The following KIF25 variants were observed in gnomAD, a reference collection of about 807,000 sequenced individuals.
KIF25 encodes the protein kinesin family member 25, also known as kinesin-like protein KIF25.
KIF25 carries 19 observed loss-of-function variants against 32.9 expected under a neutral mutation model. That is an observed-to-expected ratio of 0.58 (90% CI 0.40 to 0.85). The LOEUF (loss-of-function observed/expected upper bound fraction) is 0.85. Among genes scored for constraint, KIF25 ranks in the 40% least tolerant of loss-of-function variants. The pLI, the probability that KIF25 is intolerant of heterozygous loss-of-function variation, is 0.00. For synonymous variants in KIF25, 225 were observed against 213.7 expected, an observed-to-expected ratio of 1.05 and a Z score of -0.46; for missense variants, 485 against 507.0, an observed-to-expected ratio of 0.96 and a Z score of 0.42.
At position 168,042,596 on chromosome 6, in the gene KIF25, A is replaced by T; in HGVS notation, c.865A>T (p.Met289Leu). ...SGVTGLALRE[M>L]ACISRSLAAL... ...AGTGACCGGGTTGGCCCTGAGGGAG[A>T]TGGCGTGCATCAGCCGCAGCCTTGC... Residue 289 changes from methionine (M) to leucine (L), a missense_variant, in exon 12 of 13, where the codon ATG becomes TTG. Physicochemically the swap from Met to Leu is conservative, Grantham distance 15. Transcript: ENST00000643607. 1 of 1,613,804 alleles carries T rather than the reference A, an allele frequency of 6.2e-7. No individual in the cohort carries two copies. The highest frequency in any genetic ancestry group is 1.1e-5 in the South Asian group (1 of 91,040).
intron 5 of KIF25, among the ~76,000 whole-genome samples, chr6:168,027,995 C>T (rs1456292055): frequency 2.6e-5 from 4 of 151,990 alleles, no homozygotes; most frequent in Non-Finnish European, 5.9e-5. Flanking sequence ...TTTACATGAT[C>T]GTAGGTAAAA....
intron 4 of KIF25, among the ~76,000 whole-genome samples, chr6:168,016,368 G>T (rs1178769473): frequency 6.6e-6 from 1 of 152,230 alleles, no homozygotes; most frequent in African/African-American, 2.4e-5. Flanking sequence ...AGCCGTGCCG[G>T]AGCACGAGCA....
chr6:168,039,730 A>G (rs1799087601), intron 9 of KIF25, among the ~76,000 whole-genome samples: 1 of 152,254 alleles, frequency 6.6e-6, no homozygotes, highest in South Asian at 2.1e-4. Flanking sequence ...TATTTTACAA[A>G]TCAGATTTGA....
In KIF25 at chr6:168,039,640, A is replaced by C. The variant is rs1799086409; in HGVS notation, c.495-425A>C. 2.6e-5 allele frequency among the ~76,000 whole-genome samples: 4 copies of C among 152,264 alleles called. No homozygotes were observed. In the South Asian group the frequency reaches 8.3e-4, roughly 31 times the overall value. ...GCCTTTGACTGACAGACTGTGATGG[A>C]AATGTTATCTCCTGCTGATTAAGAG... On this transcript the variant is annotated intron_variant, in intron 9 of 12. Coordinates refer to ENST00000643607, the MANE Select transcript of KIF25 (RefSeq NM_030615.4).
At chr6:168,023,928 T>C (rs1424800201) in intron 5 of KIF25, among the ~76,000 whole-genome samples, 1 of 152,234 alleles carries the variant, frequency 6.6e-6, no homozygotes, top group Non-Finnish European at 1.5e-5. Context: ...TGCATTTTTA[T>C]TATTTACTGA....
intron 10 of KIF25, 30 bp downstream of exon 10, chr6:168,040,246 C>A: frequency 1.3e-6 from 2 of 1,586,604 alleles, no homozygotes; most frequent in South Asian, 2.2e-5. Context: ...TGGTCAGTGG[C>A]AAGTAATAGA....
At chr6:168,030,626 C>G (rs964072602) in intron 6 of KIF25, 147 bp from the exon 7 acceptor site, 1 of 558,644 alleles carries the variant, frequency 1.8e-6, no homozygotes, top group Admixed American at 3.6e-5. Flanking sequence ...TGAAAAATAA[C>G]ACAGATTAAT....
chr6:168,041,464 C>T (rs1269148591), intron 10 of KIF25, among the ~76,000 whole-genome samples: 2 of 152,186 alleles, frequency 1.3e-5, no homozygotes, highest in Non-Finnish European at 2.9e-5. Context: ...ATTTCATGTC[C>T]TTTAAAAAAA....
chr6:168,044,743 A>C, intron 12 of KIF25, 84 bp from the exon 13 acceptor site: 4 of 1,360,920 alleles, frequency 2.9e-6, no homozygotes, highest in East Asian at 2.4e-5. Flanking sequence ...GCAGCCGCCC[A>C]TCTCGGGCCC....
At chr6:168,043,784 G>A (rs564726582) in intron 12 of KIF25, among the ~76,000 whole-genome samples, 17 of 152,346 alleles carry the variant, frequency 1.1e-4, no homozygotes, top group African/African-American at 4.1e-4. Context: ...GGCCTCTGGG[G>A]TCTGCACTTT....
intron 3 of KIF25, among the ~76,000 whole-genome samples, chr6:168,003,125 C>T (rs1057435854): frequency 3.3e-5 from 5 of 152,182 alleles, no homozygotes; most frequent in African/African-American, 1.2e-4. Context: ...GACCCTTGTT[C>T]TGTATCACCA....
chr6:168,022,527 G>C (rs1393272517), intron 5 of KIF25, among the ~76,000 whole-genome samples: 1 of 152,148 alleles, frequency 6.6e-6, no homozygotes, highest in African/African-American at 2.4e-5. Flanking sequence ...TTGGCCTCAA[G>C]TGATTGTCCC....
intron 6 of KIF25, among the ~76,000 whole-genome samples, chr6:168,030,064 G>A (rs1798919571): frequency 6.6e-6 from 1 of 152,196 alleles, no homozygotes; most frequent in African/African-American, 2.4e-5. Flanking sequence ...ACCAGTGCTG[G>A]GCAGCTGCCA....
At chr6:168,004,145 G>A (rs1291512452) in intron 4 of KIF25, among the ~76,000 whole-genome samples, 1 of 152,158 alleles carries the variant, frequency 6.6e-6, no homozygotes, top group African/African-American at 2.4e-5. Context: ...CACCCCAGGG[G>A]TGTCTGAGTA....
intron 5 of KIF25, 26 bp from the exon 6 acceptor site, chr6:168,029,466 C>G (rs1008936882): frequency 2.7e-6 from 4 of 1,470,354 alleles, no homozygotes; most frequent in Non-Finnish European, 3.6e-6. Flanking sequence ...AATACTGTTA[C>G]GTTTTCAAGT....
rs141698978 is a variant in KIF25 at position 168,000,903 on chromosome 6, T to G, written c.-370+1583T>G. Among the ~76,000 whole-genome samples, 178 of 152,356 alleles carry G rather than the reference T, an allele frequency of 1.2e-3. 2 individuals carry two copies. In the East Asian group the frequency reaches 0.03, roughly 26 times the overall value. On this transcript the variant is annotated intron_variant, in intron 2 of 12. Transcript: ENST00000643607. ...GGAGGGCCTGGCTTGAGCCTCACAG[T>G]GTTTGCATCCTGCAGTTTAGCACCT...
At position 168,038,622 on chromosome 6, in the gene KIF25, C is replaced by G. The variant is rs1010868225; in HGVS notation, c.387C>G (p.Asp129Glu). 6.2e-7 allele frequency: 1 copy of G among 1,614,046 alleles called. No homozygotes were observed. The highest frequency in any genetic ancestry group is 1.3e-5 in the African/African-American group (1 of 74,904). The change falls in exon 9 of 13, where the codon GAC becomes GAG. Residue 129 changes from aspartate (D) to glutamate (E), a missense_variant. Transcript: ENST00000643607. ...EVSIVEVYNNDIFDLLAKDSI... is the reference protein window; with the variant it reads ...EVSIVEVYNNEIFDLLAKDSI... ...CCATAGTGGAAGTTTACAATAATGACATTTTTGACCTTCTGGCCAAAGACA... is the reference window on the plus strand; with the variant it reads ...CCATAGTGGAAGTTTACAATAATGAGATTTTTGACCTTCTGGCCAAAGACA...
At chr6:168,040,326 G>T (rs1339987701) in intron 10 of KIF25, 110 bp downstream of exon 10, 17 of 1,127,890 alleles carry the variant, frequency 1.5e-5, no homozygotes, top group Non-Finnish European at 1.9e-5. Flanking sequence ...AGCACTTTGG[G>T]AGACTGAGGC....
In KIF25 at chr6:168,042,124, G is replaced by A. The variant is rs1274711267; in HGVS notation, c.802G>A (p.Val268Met). ...GCAGGTGCAGGCTCGACTACAGCTC[G>A]TGGACTCGGCCGGCAGCGAGTGCGT... ...AEQVQARLQLVDSAGSECVGV... is the reference protein window; with the variant it reads ...AEQVQARLQLMDSAGSECVGV... Residue 268 changes from valine (V) to methionine (M), a missense_variant, in exon 11 of 13, where the codon GTG becomes ATG. Physicochemically the swap from Val to Met is conservative, Grantham distance 21. Around this residue, in one of 2 missense-constraint regions of KIF25, gnomAD observed 480 missense variants for 470.3 expected, o/e 1.02. Transcript: ENST00000643607. 5.8e-6 allele frequency: 9 copies of A among 1,550,486 alleles called. No homozygotes were observed. The highest frequency in any genetic ancestry group is 2.4e-5 in the South Asian group (2 of 84,034).
Sources: gnomAD v4.1 joint callset for allele counts (sites outside exome capture counted in the v4.1 genomes callset) on GRCh38, gnomAD v4.1.1 for gene constraint, gnomAD v4.1.1 regional missense constraint, MANE v1.5 for transcripts, NCBI Gene and HGNC (gene_info 2026-07-23, HGNC 2026-07-21) for gene names.